Variants in SLC30A6 observed in about 807,000 individuals in gnomAD.
SLC30A6 encodes zinc transporter 6.
A neutral mutation model predicts 63.0 loss-of-function variants in SLC30A6; 55 were observed. The observed-to-expected ratio is 0.87, with a 90% CI of 0.70 to 1.09. The LOEUF (loss-of-function observed/expected upper bound fraction) is 1.09. SLC30A6 is among the 50% of genes least tolerant of loss of function. SLC30A6 has a pLI of 0.00. For synonymous variants in SLC30A6, 224 were observed against 186.1 expected, an observed-to-expected ratio of 1.20 and a Z score of -1.66; for missense variants, 587 against 549.2, an observed-to-expected ratio of 1.07 and a Z score of -0.69.
intron 1 of SLC30A6, among the ~76,000 whole-genome samples, chr2:32,169,772 G>T (rs1428263920): frequency 3.3e-5 from 5 of 152,166 alleles, no homozygotes; most frequent in Admixed American, 2.6e-4. Context: ...TGGAACTGAG[G>T]TTCAAGAGAT....
chr2:32,217,111 T>C (rs1685780301), intron 13 of SLC30A6, among the ~76,000 whole-genome samples: 2 of 152,036 alleles, frequency 1.3e-5, no homozygotes. Flanking sequence ...TTGGTCAGGC[T>C]GGTCTTGAAC....
chr2:32,174,191 T>C, intron 3 of SLC30A6, 44 bp downstream of exon 3: 1 of 1,423,018 alleles, frequency 7.0e-7, no homozygotes, highest in Admixed American at 1.8e-5. Flanking sequence ...TTTTTACTTT[T>C]ATTTTTCTCA....
intron 5 of SLC30A6, among the ~76,000 whole-genome samples, chr2:32,190,396 T>C (rs1683220131): frequency 6.6e-6 from 1 of 151,580 alleles, no homozygotes; most frequent in Non-Finnish European, 1.5e-5. Flanking sequence ...GAAGCAGAGG[T>C]TGCAGTGAGC....
chr2:32,174,630 T>C (rs1380931201), intron 3 of SLC30A6, among the ~76,000 whole-genome samples: 1 of 129,116 alleles, frequency 7.7e-6, no homozygotes, highest in Non-Finnish European at 1.5e-5. Flanking sequence ...CTTGGCCCAC[T>C]GCATCCTCCA....
chr2:32,202,331 TTTTG>T (rs555229530), intron 10 of SLC30A6: 148 of 389,182 alleles, frequency 3.8e-4, no homozygotes, highest in Middle Eastern at 9.5e-4. Flanking sequence ...AGAAACAGTT[TTTTG>T]TTTGTTTGTT....
chr2:32,171,967 T>C (rs1681264328), intron 2 of SLC30A6, among the ~76,000 whole-genome samples: 1 of 152,188 alleles, frequency 6.6e-6, no homozygotes, highest in Non-Finnish European at 1.5e-5. Context: ...GTGCTGGGAT[T>C]ACAGGCGTGA....
intron 3 of SLC30A6, 85 bp downstream of exon 3, chr2:32,174,232 AT>A: frequency 1.0e-6 from 1 of 969,832 alleles, no homozygotes. Flanking sequence ...TACATAGAAT[AT>A]ATTATTCTGA....
At chr2:32,219,502 T>C (rs1685982013) in intron 13 of SLC30A6, among the ~76,000 whole-genome samples, 1 of 152,126 alleles carries the variant, frequency 6.6e-6, no homozygotes, top group African/African-American at 2.4e-5. Context: ...TGGTGCGATC[T>C]TGGCTCACTG....
intron 6 of SLC30A6, 119 bp downstream of exon 6, chr2:32,192,535 T>A (rs765891682): frequency 1.6e-5 from 12 of 761,208 alleles, no homozygotes; most frequent in Non-Finnish European, 2.6e-5. Flanking sequence ...AGGGCTGGAG[T>A]TTTGATAGTA....
intron 4 of SLC30A6, among the ~76,000 whole-genome samples, chr2:32,181,738 C>T (rs1682333650): frequency 6.6e-6 from 1 of 151,762 alleles, no homozygotes; most frequent in African/African-American, 2.4e-5. Context: ...CATGGTGGCG[C>T]ACTTTTGTAA....
chr2:32,202,786 G>T, intron 10 of SLC30A6: 1 of 727,020 alleles, frequency 1.4e-6, no homozygotes, highest in Non-Finnish European at 2.5e-6. Context: ...TCTGCAGCTC[G>T]CCCACAGTGG....
Position 32,205,737 on chromosome 2 carries a change from A to G in SLC30A6, c.768+1045A>G, listed in dbSNP as rs557485367. On this transcript the variant is annotated intron_variant, in intron 11 of 13. Transcript: ENST00000282587. Reference sequence around the variant, plus strand: ...GCTGGAGTGCAGTGGCGCTACACTCAGGTCACTGCAACCTTTGCTTCCTGG... The same window carrying G: ...GCTGGAGTGCAGTGGCGCTACACTCGGGTCACTGCAACCTTTGCTTCCTGG... 3.8e-3 allele frequency among the ~76,000 whole-genome samples: 506 copies of G among 133,316 alleles called. 2 individuals are homozygous for G. Among genetic ancestry groups the G allele is most frequent in the Middle Eastern group, 0.011 (2 of 190 alleles). The allele number at this position is 133,316 out of a possible 152,430, so 87.5% of individuals were successfully genotyped here. A position where few individuals can be genotyped will look rare whatever the true frequency, so the allele number is the denominator to read the frequency against.
intron 5 of SLC30A6, chr2:32,187,135 A>AT (rs567157253): frequency 1.5e-5 from 7 of 470,010 alleles, no homozygotes; most frequent in South Asian, 4.6e-5. Context: ...GGACATTGTC[A>AT]TTTTTTTGCC....
chr2:32,214,081 A>G (rs2148904600), intron 13 of SLC30A6, among the ~76,000 whole-genome samples: 1 of 152,128 alleles, frequency 6.6e-6, no homozygotes, highest in African/African-American at 2.4e-5. Flanking sequence ...CAGATGCCCC[A>G]CCATGCCCCA....
intron 4 of SLC30A6, among the ~76,000 whole-genome samples, chr2:32,183,154 T>A (rs1472904109): frequency 1.3e-5 from 2 of 151,798 alleles, no homozygotes; most frequent in Non-Finnish European, 2.9e-5. Flanking sequence ...GCCATTGCAC[T>A]CCAGCCTGGG....
At chr2:32,181,513 T>C (rs143978191) in intron 4 of SLC30A6, among the ~76,000 whole-genome samples, 29 of 150,708 alleles carry the variant, frequency 1.9e-4, no homozygotes, top group African/African-American at 6.3e-4. Flanking sequence ...TTCAGATTTC[T>C]TATTATTAAC....
At chr2:32,209,183 C>T (rs893238717) in intron 12 of SLC30A6, among the ~76,000 whole-genome samples, 5 of 152,138 alleles carry the variant, frequency 3.3e-5, no homozygotes, top group Non-Finnish European at 7.3e-5. Context: ...TAAATATATT[C>T]CATATTGATA....
rs527442563 is a variant in SLC30A6 at position 32,179,508 on chromosome 2, T to C, written c.218+4147T>C. On this transcript the variant is annotated intron_variant, in intron 4 of 13. Coordinates refer to ENST00000282587, the MANE Select transcript of SLC30A6 (RefSeq NM_017964.5). ...CATATTGCTTCATTTCCAGAGTTAC[T>C]GATTCAGGAGGCCTAGGGTAGGACC... Among the ~76,000 whole-genome samples the C allele has an allele frequency of 5.9e-5, 9 of 152,352 alleles. No homozygotes were observed. The South Asian group carries it at 1.9e-3, about 32-fold the overall frequency.
chr2:32,178,280 G>A (rs1445930199), intron 4 of SLC30A6, among the ~76,000 whole-genome samples: 2 of 152,012 alleles, frequency 1.3e-5, no homozygotes, highest in Admixed American at 6.6e-5. Context: ...GAGATTGGGG[G>A]TTCAGATTCA....
Sources: allele counts gnomAD v4.1 joint callset (sites outside exome capture counted in the v4.1 genomes callset), GRCh38; gene constraint gnomAD v4.1.1; transcripts MANE v1.5; gene names NCBI Gene and HGNC (gene_info 2026-07-23, HGNC 2026-07-21).